The following RNF24 variants were observed in gnomAD, a reference collection of about 807,000 sequenced individuals.
The protein encoded by RNF24 is ring finger protein 24.
A neutral mutation model predicts 20.0 loss-of-function variants in RNF24; 14 were observed. The ratio of observed to expected loss-of-function variants is 0.70; its 90% confidence interval spans 0.46 to 1.10. The LOEUF (loss-of-function observed/expected upper bound fraction) is 1.10. Ranked by LOEUF, RNF24 falls within the 50% of genes least tolerant of loss-of-function variation. The probability of loss-of-function intolerance (pLI) is 0.00; values close to 1 mark genes in which losing one functional copy is unlikely to be tolerated. For synonymous variants in RNF24, 45 were observed against 61.1 expected (o/e 0.74, Z 1.23); for missense variants, 124 against 177.6 (o/e 0.70, Z 1.71).
chr20:4,015,424 C>G lies in RNF24; in HGVS notation c.-8+13G>C, dbSNP rs1399059238. On this transcript the variant is annotated intron_variant, in intron 1 of 5. Coordinates refer to ENST00000358395, the MANE Select transcript of RNF24 (RefSeq NM_001134337.3). ...GGCGGCCGCGGCGCTCCCGCCCTCGCTCGCTCACTTACTCGGGCGCGCCGG... is the reference window on the plus strand; with the variant it reads ...GGCGGCCGCGGCGCTCCCGCCCTCGGTCGCTCACTTACTCGGGCGCGCCGG... 6.6e-6 allele frequency: 1 copy of G among 151,388 alleles called. No individual in the cohort carries two copies. The highest frequency in any genetic ancestry group is 2.4e-5 in the African/African-American group (1 of 41,284). 9.4% of individuals were successfully genotyped at this position (151,388 alleles called of 1,614,324 possible).
At position 3,929,300 on chromosome 20, in the gene RNF24, GA is replaced by G. The variant is rs1352470875; in HGVS notation, c.*4762del. On this transcript the variant is annotated 3_prime_UTR_variant, in exon 6 of 6. Coordinates refer to ENST00000358395, the MANE Select transcript of RNF24 (RefSeq NM_001134337.3). ...GCACCTGTAGACGCAGCTACAGACT[GA>G]GGCGGGAGGATCACTTGAGTCCAGG... 3 of 152,288 alleles carry G rather than the reference GA, an allele frequency of 2.0e-5. No individual in the cohort carries two copies. The highest frequency in any genetic ancestry group is 7.2e-5 in the African/African-American group (3 of 41,464). The allele number at this position is 152,288 out of a possible 1,614,324, so 9.4% of individuals were successfully genotyped here.
At chr20:3,976,373 A>C (rs770117581) in intron 1 of RNF24, among the ~76,000 whole-genome samples, 12 of 152,220 alleles carry the variant, frequency 7.9e-5, no homozygotes, top group South Asian at 6.2e-4. Flanking sequence ...AATTGTAACA[A>C]CACCAAATGC....
chr20:3,954,888 G>T (rs2091124704), intron 2 of RNF24, among the ~76,000 whole-genome samples: 1 of 148,228 alleles, frequency 6.7e-6, no homozygotes, highest in Non-Finnish European at 1.5e-5. Context: ...GACAGTGCGA[G>T]ACTCCATCTC....
intron 1 of RNF24, among the ~76,000 whole-genome samples, chr20:3,983,455 A>T (rs999947096): frequency 1.3e-5 from 2 of 152,104 alleles, no homozygotes; most frequent in Non-Finnish European, 2.9e-5. Context: ...TTGCAGCCTA[A>T]CCTAGAAAAA....
At chr20:4,003,633 CTTTTTTTTTTTTT>C (rs377227990) in intron 1 of RNF24, among the ~76,000 whole-genome samples, 19 of 84,428 alleles carry the variant, frequency 2.3e-4, no homozygotes, top group African/African-American at 7.7e-4. Flanking sequence ...TTAGAAACTC[CTTTTTTTTTTTTT>C]TTTTTTTTTT....
At chr20:3,939,251 C>G (rs1261546739) in intron 4 of RNF24, among the ~76,000 whole-genome samples, 1 of 152,202 alleles carries the variant, frequency 6.6e-6, no homozygotes, top group African/African-American at 2.4e-5. Context: ...CCTCAGCCCC[C>G]TGAGGAGCTG....
At chr20:3,968,314 A>T (rs1319225352) in intron 1 of RNF24, among the ~76,000 whole-genome samples, 9 of 151,724 alleles carry the variant, frequency 5.9e-5, no homozygotes, top group Non-Finnish European at 1.2e-4. Flanking sequence ...GAAAAAAAAA[A>T]TGCTCAGAAA....
At chr20:3,960,105 T>C (rs546739401) in intron 2 of RNF24, among the ~76,000 whole-genome samples, 3 of 152,132 alleles carry the variant, frequency 2.0e-5, no homozygotes, top group Non-Finnish European at 4.4e-5. Flanking sequence ...GTGACTGTCT[T>C]GTTTAGACCT....
intron 2 of RNF24, among the ~76,000 whole-genome samples, chr20:3,950,044 C>T (rs1410796170): frequency 6.6e-6 from 1 of 152,176 alleles, no homozygotes; most frequent in Non-Finnish European, 1.5e-5. Flanking sequence ...TCTCCCCTTT[C>T]CCCACTGCAC....
chr20:3,984,422 G>A (rs1428174953), intron 1 of RNF24, among the ~76,000 whole-genome samples: 1 of 152,100 alleles, frequency 6.6e-6, no homozygotes, highest in Non-Finnish European at 1.5e-5. Flanking sequence ...ACCTCCGGTG[G>A]ATATCCTGCA....
chr20:4,012,073 TAATAGC>T (rs1982501734), intron 1 of RNF24, among the ~76,000 whole-genome samples: 1 of 152,218 alleles, frequency 6.6e-6, no homozygotes, highest in Admixed American at 6.5e-5. Context: ...TAACACATTG[TAATAGC>T]ATTATTACTG....
chr20:4,015,388 A>G (rs1481489336), intron 1 of RNF24, 49 bp downstream of exon 1: 1 of 151,464 alleles, frequency 6.6e-6, no homozygotes, highest in Non-Finnish European at 1.5e-5. Context: ...CCCAAACCCC[A>G]GCCCGGGGGC....
At chr20:4,000,305 C>T (rs998844157) in intron 1 of RNF24, among the ~76,000 whole-genome samples, 2 of 152,080 alleles carry the variant, frequency 1.3e-5, no homozygotes, top group Non-Finnish European at 2.9e-5. Flanking sequence ...GGGTGGGTCA[C>T]CTGAGGTCAG....
chr20:3,975,755 CAGG>C (rs1298638287), intron 1 of RNF24, among the ~76,000 whole-genome samples: 1 of 151,928 alleles, frequency 6.6e-6, no homozygotes, highest in Non-Finnish European at 1.5e-5. Context: ...GAGAGAGATA[CAGG>C]AGGAGAGAAT....
intron 1 of RNF24, among the ~76,000 whole-genome samples, chr20:4,008,337 TATATTATAC>T: frequency 1.1e-5 from 1 of 90,350 alleles, no homozygotes; most frequent in African/African-American, 4.8e-5. Flanking sequence ...ATATAATATA[TATATTATAC>T]ATGTAATATG....
intron 2 of RNF24, among the ~76,000 whole-genome samples, chr20:3,955,365 C>T (rs568147292): frequency 1.3e-5 from 2 of 152,286 alleles, no homozygotes; most frequent in African/African-American, 4.8e-5. Flanking sequence ...TCCAGCTTCC[C>T]AGTACCATTG....
chr20:4,013,743 C>A (rs538342040), intron 1 of RNF24, among the ~76,000 whole-genome samples: 1 of 152,148 alleles, frequency 6.6e-6, no homozygotes, highest in Non-Finnish European at 1.5e-5. Flanking sequence ...CCTCGGCCCC[C>A]CAAAGTGCTG....
chr20:4,005,965 C>A (rs1341834485), intron 1 of RNF24, among the ~76,000 whole-genome samples: 1 of 152,180 alleles, frequency 6.6e-6, no homozygotes, highest in Admixed American at 6.5e-5. Flanking sequence ...GATATTAAAT[C>A]TGCTAAAGGA....
At chr20:3,972,640 CT>C (rs1978450118) in intron 1 of RNF24, among the ~76,000 whole-genome samples, 1 of 152,180 alleles carries the variant, frequency 6.6e-6, no homozygotes, top group Non-Finnish European at 1.5e-5. Flanking sequence ...GTGGCTAACG[CT>C]TATAATCCCA....
Sources: gnomAD v4.1 joint callset for allele counts (sites outside exome capture counted in the v4.1 genomes callset) on GRCh38, gnomAD v4.1.1 for gene constraint, MANE v1.5 for transcripts, NCBI Gene and HGNC (gene_info 2026-07-23, HGNC 2026-07-21) for gene names.